Variants in GCN1 observed in about 807,000 individuals in gnomAD.
GCN1 encodes GCN1 activator of EIF2AK4.
In GCN1, 90 loss-of-function variants were observed where a neutral mutation model predicts 288.4. That is an observed-to-expected ratio of 0.31 (90% CI 0.26 to 0.37). The LOEUF is 0.37. Among genes scored for constraint, GCN1 ranks in the 10% least tolerant of loss-of-function variants. The probability of loss-of-function intolerance (pLI) is 1.00; values close to 1 mark genes in which losing one functional copy is unlikely to be tolerated. For missense variants in GCN1, 2,586 were observed against 3,419.9 expected, an observed-to-expected ratio of 0.76 and a Z score of 6.08; for synonymous variants, 1,386 against 1,420.2, an observed-to-expected ratio of 0.98 and a Z score of 0.54.
chr12:120,165,250 T>C (rs899354323), intron 16 of GCN1, among the ~76,000 whole-genome samples: 2 of 152,042 alleles, frequency 1.3e-5, no homozygotes, highest in Non-Finnish European at 2.9e-5. Context: ...TTAGCCAGGA[T>C]GGTCTCGATC....
Position 120,144,628 on chromosome 12 carries a change from A to G in GCN1, c.5352+11T>C, listed in dbSNP as rs192221074. ...CAAGGACTCTACCCTTGCCAAGGTC[A>G]TGGTACCTACTTTGAGGATACAGGG... is the stretch of plus-strand genomic sequence containing the variant. On this transcript the variant is annotated intron_variant, in intron 41 of 57. Coordinates refer to ENST00000300648, the MANE Select transcript of GCN1 (RefSeq NM_006836.2). This position sits in a 1 kb window ranked among gnomAD's most constrained non-coding sequence, Gnocchi z 4.7. The G allele has an allele frequency of 6.2e-7, 1 of 1,611,406 alleles. No individual in the cohort carries two copies. The highest frequency in any genetic ancestry group is 8.5e-7 in the Non-Finnish European group (1 of 1,177,558).
Position 120,174,095 on chromosome 12 carries a change from A to G in GCN1, c.1168T>C (p.Phe390Leu). 3.7e-6 allele frequency: 6 copies of G among 1,601,252 alleles called. No homozygotes were observed. The highest frequency in any genetic ancestry group is 5.1e-6 in the Non-Finnish European group (6 of 1,168,224). The change falls in exon 13 of 58, where the codon TTC becomes CTC. Residue 390 changes from phenylalanine to leucine, a missense_variant. Phe to Leu is a conservative substitution (Grantham distance 22). Coordinates refer to ENST00000300648, the MANE Select transcript of GCN1 (RefSeq NM_006836.2). ...CCTTCCTGCTGAAGGAACGGGATGA[A>G]CAGCTCAGCCACGATCCCATTCAGG... is the stretch of plus-strand genomic sequence containing the variant. ...QVLNGIVAEL[F>L]IPFLQQEVHE... is the part of the protein sequence containing the mutation.
chr12:120,142,560 G>C lies in GCN1; in HGVS notation c.5776C>G (p.Leu1926Val). The C allele has an allele frequency of 1.2e-6, 2 of 1,614,054 alleles. No homozygotes were observed. Among genetic ancestry groups the C allele is most frequent in the Non-Finnish European group, 1.7e-6 (2 of 1,180,024 alleles). ...AGGAAACCCAGCAGGAGCCCAAAGA[G>C]AGTGGGTAGGATCTCACGCAAGGTG... ...PRTLREILPTLFGLLLGFLAS... is the reference protein window; with the variant it reads ...PRTLREILPTVFGLLLGFLAS... The change falls in exon 44 of 58, where the codon CTC becomes GTC. Residue 1926 changes from leucine (L) to valine (V), a missense_variant. By Grantham distance (32) the Leu-to-Val change is conservative. Around this residue, in one of 8 missense-constraint regions of GCN1, gnomAD observed 437 missense variants for 570.5 expected, o/e 0.77. Transcript: ENST00000300648. This position sits in a 1 kb window ranked among gnomAD's most constrained non-coding sequence, Gnocchi z 4.9.
rs375093992 is a variant in GCN1 at position 120,164,447 on chromosome 12, G to A, written c.1737C>T (p.His579=). Residue 579 remains histidine, a synonymous_variant, in exon 18 of 58, where the codon CAC becomes CAT. Transcript: ENST00000300648. The part of the protein sequence containing the change: ...LVAVLLSRTW[H]VRRQAQQTVR... ...CTGTCTGCTGAGCCTGCCTGCGGAC[G>A]TGCCAGGTGCGGCTCAGGAGCACCG... 48 of 1,614,142 alleles carry A rather than the reference G, an allele frequency of 3.0e-5. No individual in the cohort carries two copies. In the African/African-American group the frequency reaches 4.4e-4, roughly 15 times the overall value.
rs764495077 is a variant in GCN1, at chr12:120,145,288, C to A, written c.4990G>T (p.Ala1664Ser). Residue 1664 changes from alanine to serine, a missense_variant, in exon 39 of 58, where the codon GCA becomes TCA. Transcript: ENST00000300648. Reference protein sequence around the residue: ...YLPSVTPGLKASLLDPVPEVR... With the variant: ...YLPSVTPGLKSSLLDPVPEVR... ...TCAGGCACAGGGTCCAAAAGCGATG[C>A]TTTCAGGCCAGGCGTCACGCTGGGC... is the stretch of plus-strand genomic sequence containing the variant. The A allele has an allele frequency of 6.2e-7, 1 of 1,602,526 alleles. No individual in the cohort carries two copies. Among genetic ancestry groups the A allele is most frequent in the Non-Finnish European group, 8.5e-7 (1 of 1,174,342 alleles).
rs3809308 is a variant in GCN1, at chr12:120,183,829, T to C, written c.318-152A>G. Reference sequence around the variant, plus strand: ...GTTCCCCACAAACCATCTGTGGCAATTCAGGACAAGAAGTCCAGGCTTCAG... The same window carrying C: ...GTTCCCCACAAACCATCTGTGGCAACTCAGGACAAGAAGTCCAGGCTTCAG... On this transcript the variant is annotated intron_variant, in intron 4 of 57. Coordinates refer to ENST00000300648, the MANE Select transcript of GCN1 (RefSeq NM_006836.2). 3.5e-3 allele frequency: 2,186 copies of C among 621,138 alleles called. 60 individuals carry two copies. The East Asian group carries it at 0.056, about 16-fold the overall frequency. The allele number at this position is 621,138 out of a possible 1,614,324, so 38.5% of individuals were successfully genotyped here.
At position 120,137,472 on chromosome 12, in the gene GCN1, A is replaced by AT. The variant is rs1555299371; in HGVS notation, c.6663+72dup. The AT allele has an allele frequency of 6.5e-7, 1 of 1,534,724 alleles. No individual in the cohort carries two copies. Among genetic ancestry groups the AT allele is most frequent in the Non-Finnish European group, 9.0e-7 (1 of 1,114,410 alleles). On this transcript the variant is annotated intron_variant, in intron 49 of 57. Transcript: ENST00000300648. The surrounding 1 kb of genome is among the most constrained non-coding windows in gnomAD (Gnocchi z 5.2). ...AGTGACAGGTACGTGGGGGATTCTTATAAGTCTATTCCTGTAAATGTCTGG... is the reference window on the plus strand; with the variant it reads ...AGTGACAGGTACGTGGGGGATTCTTATTAAGTCTATTCCTGTAAATGTCTGG...
rs902755398 is a variant in GCN1 at position 120,134,653 on chromosome 12, C to T, written c.7082G>A (p.Arg2361Gln). 3.7e-6 allele frequency: 6 copies of T among 1,613,732 alleles called. No homozygotes were observed. The highest frequency in any genetic ancestry group is 1.7e-5 in the Admixed American group (1 of 60,012). Residue 2361 changes from arginine (R) to glutamine (Q), a missense_variant, in exon 52 of 58, where the codon CGG becomes CAG. Arg to Gln is a conservative substitution (Grantham distance 43, BLOSUM62 1). Around this residue, in one of 8 missense-constraint regions of GCN1, gnomAD observed 355 missense variants for 431.1 expected, o/e 0.82. Transcript: ENST00000300648. The surrounding 1 kb of genome is among the most constrained non-coding windows in gnomAD (Gnocchi z 5.0). ...ATCTGCGGCCTTCAGGCGCACCCCC[C>T]GGTTGGAGTCCTGCAGGGCTTTGGT... The part of the protein sequence containing the change: ...TFTKALQDSN[R>Q]GVRLKAADAL...
intron 21 of GCN1, 140 bp downstream of exon 21, chr12:120,161,740 G>T: frequency 1.1e-6 from 1 of 946,834 alleles, no homozygotes; most frequent in Non-Finnish European, 1.6e-6. Context: ...TAAGCACCGT[G>T]CCGGGGACAC....
intron 15 of GCN1, among the ~76,000 whole-genome samples, chr12:120,169,136 A>T (rs1566313298): frequency 6.6e-6 from 1 of 152,174 alleles, no homozygotes; most frequent in East Asian, 1.9e-4. Context: ...TCTACTAAAA[A>T]TATAAAAAAT....
intron 26 of GCN1, among the ~76,000 whole-genome samples, chr12:120,157,569 G>C (rs535296788): frequency 2.6e-5 from 4 of 152,292 alleles, no homozygotes; most frequent in Admixed American, 2.6e-4. Flanking sequence ...GTAAAACATG[G>C]TACATCCATA....
intron 57 of GCN1, 74 bp from the exon 58 acceptor site, chr12:120,128,048 A>G (rs1251233780): frequency 4.6e-6 from 7 of 1,534,524 alleles, no homozygotes; most frequent in Non-Finnish European, 6.3e-6. Context: ...GGAGAAAGAC[A>G]AAAATGAATG....
chr12:120,159,419 GTTT>G (rs1028649407), intron 24 of GCN1, among the ~76,000 whole-genome samples: 8 of 152,176 alleles, frequency 5.3e-5, no homozygotes, highest in African/African-American at 1.9e-4. Flanking sequence ...CCTGGTGTTT[GTTT>G]CTCCAGAGCT....
Position 120,155,371 on chromosome 12 carries a change from T to C in GCN1, c.3500A>G (p.Asp1167Gly). ...QPDLCSLLIDDVIYHEAAVRQ... is the reference protein window; with the variant it reads ...QPDLCSLLIDGVIYHEAAVRQ... Reference sequence around the variant, plus strand: ...TACAGCCGCCTCATGATAGATCACGTCGTCAATCAGCAAGGAGCAGAGGTC... The same window carrying C: ...TACAGCCGCCTCATGATAGATCACGCCGTCAATCAGCAAGGAGCAGAGGTC... The change falls in exon 30 of 58, where the codon GAC becomes GGC. Residue 1167 changes from aspartate (D) to glycine (G), a missense_variant. Around this residue, in one of 8 missense-constraint regions of GCN1, gnomAD observed 332 missense variants for 403.0 expected, o/e 0.82. Coordinates refer to ENST00000300648, the MANE Select transcript of GCN1 (RefSeq NM_006836.2). This position sits in a 1 kb window ranked among gnomAD's most constrained non-coding sequence, Gnocchi z 4.9. The C allele has an allele frequency of 6.2e-7, 1 of 1,614,112 alleles. No individual in the cohort carries two copies. The highest frequency in any genetic ancestry group is 1.1e-5 in the South Asian group (1 of 91,078).
At chr12:120,133,471 C>T (rs1014800230) in intron 53 of GCN1, among the ~76,000 whole-genome samples, 7 of 152,148 alleles carry the variant, frequency 4.6e-5, no homozygotes, top group Non-Finnish European at 7.3e-5. Context: ...CTACTACTTG[C>T]TGGGTATGGC....
At chr12:120,145,381 C>T (rs1166595849) in intron 38 of GCN1, 51 bp from the exon 39 acceptor site, 1 of 1,385,948 alleles carries the variant, frequency 7.2e-7, no homozygotes, top group Non-Finnish European at 9.7e-7. Flanking sequence ...CTGCTTTCTC[C>T]AGGCCTGTTC....
At chr12:120,147,573 T>C (rs1028753083) in intron 37 of GCN1, among the ~76,000 whole-genome samples, 1 of 152,258 alleles carries the variant, frequency 6.6e-6, no homozygotes, top group African/African-American at 2.4e-5. Context: ...CTGGTTTGCC[T>C]ATCGGTAATG....
intron 45 of GCN1, 62 bp downstream of exon 45, chr12:120,140,797 C>T: frequency 6.6e-7 from 1 of 1,511,398 alleles, no homozygotes; most frequent in South Asian, 1.2e-5. Flanking sequence ...GTAGCCCTCC[C>T]CCGCCCTCTG....
chr12:120,152,385 A>G (rs1339641752), intron 33 of GCN1, among the ~76,000 whole-genome samples: 175 of 121,290 alleles, frequency 1.4e-3, no homozygotes, highest in Middle Eastern at 8.1e-3. Context: ...CCACACACAC[A>G]CGCGCACACA....
Sources: gnomAD v4.1 joint callset for allele counts (sites outside exome capture counted in the v4.1 genomes callset) on GRCh38, gnomAD v4.1.1 for gene constraint, gnomAD v4.1.1 regional missense constraint, Gnocchi (gnomAD v3.1) non-coding constraint, MANE v1.5 for transcripts, NCBI Gene and HGNC (gene_info 2026-07-23, HGNC 2026-07-21) for gene names.